MYO18B: variants seen among roughly 807,000 people sequenced by gnomAD.
MYO18B encodes myosin XVIIIB, also known as unconventional myosin-XVIIIb.
In MYO18B, 204 loss-of-function variants were observed where a neutral mutation model predicts 273.0. That is an observed-to-expected ratio of 0.75 (90% CI 0.67 to 0.84). The LOEUF is 0.84. Ranked by LOEUF, MYO18B falls within the 40% of genes least tolerant of loss-of-function variation. The pLI, the probability that MYO18B is intolerant of heterozygous loss-of-function variation, is 0.00. For synonymous variants in MYO18B, 1,330 were observed against 1,305.7 expected, an observed-to-expected ratio of 1.02 and a Z score of -0.40; for missense variants, 3,212 against 3,287.6, an observed-to-expected ratio of 0.98 and a Z score of 0.56.
the MYO18B span, among the ~76,000 whole-genome samples, chr22:26,057,524 CTTT>C: frequency 2.9e-5 from 4 of 137,094 alleles, no homozygotes; most frequent in Non-Finnish European, 6.4e-5. Flanking sequence ...TGCAAAGTCA[CTTT>C]TTTTTTTTTT....
At chr22:25,996,746 G>A (rs1448127157) in intron 40 of MYO18B, among the ~76,000 whole-genome samples, 2 of 152,178 alleles carry the variant, frequency 1.3e-5, no homozygotes, top group African/African-American at 4.8e-5. Context: ...AAATGAAGGA[G>A]CCAGCTGTGG....
intron 28 of MYO18B, chr22:25,897,284 A>G (rs1031935496): frequency 1.3e-5 from 2 of 152,216 alleles, no homozygotes; most frequent in Non-Finnish European, 2.9e-5. Flanking sequence ...CGTGAGCAAA[A>G]AGTATCATGT....
chr22:25,797,137 GA>G (rs1266978601), intron 11 of MYO18B, among the ~76,000 whole-genome samples: 7 of 152,194 alleles, frequency 4.6e-5, no homozygotes, highest in Non-Finnish European at 1.0e-4. Context: ...TGAGGTGAGA[GA>G]ATCGCTTGAG....
At chr22:25,898,565 C>A (rs191504286) in intron 29 of MYO18B, 104 bp downstream of exon 29, 1 of 1,247,996 alleles carries the variant, frequency 8.0e-7, no homozygotes, top group African/African-American at 1.5e-5. Flanking sequence ...ACTTCAACTC[C>A]CTTGTTTTGC....
chr22:25,816,457 T>G (rs1484597270), intron 12 of MYO18B, among the ~76,000 whole-genome samples: 1 of 152,164 alleles, frequency 6.6e-6, no homozygotes, highest in Non-Finnish European at 1.5e-5. Flanking sequence ...CGACTTGTCA[T>G]TTACATTAGG....
At chr22:25,881,950 T>C (rs2091348635) in intron 25 of MYO18B, among the ~76,000 whole-genome samples, 1 of 152,160 alleles carries the variant, frequency 6.6e-6, no homozygotes. Context: ...TTCATAGCCT[T>C]CACATGTGCT....
At chr22:25,824,501 T>C (rs533285367) in intron 13 of MYO18B, among the ~76,000 whole-genome samples, 17 of 152,256 alleles carry the variant, frequency 1.1e-4, no homozygotes. Flanking sequence ...ATCTGCTGGG[T>C]CCCAAGTCTG....
chr22:25,920,751 A>C (rs2092328428), intron 33 of MYO18B, among the ~76,000 whole-genome samples: 1 of 152,232 alleles, frequency 6.6e-6, no homozygotes, highest in African/African-American at 2.4e-5. Flanking sequence ...TCATAAACTC[A>C]TAAAACAACA....
At position 25,772,025 on chromosome 22, in the gene MYO18B, T is replaced by A. The variant is rs1409016377; in HGVS notation, c.1693-309T>A. Among the ~76,000 whole-genome samples, 4 of 152,182 alleles carry A rather than the reference T, an allele frequency of 2.6e-5. No homozygotes were observed. In the East Asian group the frequency reaches 7.7e-4, roughly 29 times the overall value. On this transcript the variant is annotated intron_variant, in intron 6 of 43. Coordinates refer to ENST00000335473, the MANE Select transcript of MYO18B (RefSeq NM_032608.7). ...ACCTGTCTTTTTGTGGTGTTTGAGATCCAGAAAGTGTTTTGAATTTTGTCA... is the reference window on the plus strand; with the variant it reads ...ACCTGTCTTTTTGTGGTGTTTGAGAACCAGAAAGTGTTTTGAATTTTGTCA...
chr22:26,045,724 A>C, the MYO18B span, among the ~76,000 whole-genome samples: 5 of 152,342 alleles, frequency 3.3e-5, no homozygotes, highest in South Asian at 1.0e-3. Context: ...GCAGCTGAAC[A>C]TAAAGTTCTT....
chr22:25,851,108 T>C (rs967221951), intron 20 of MYO18B, among the ~76,000 whole-genome samples: 2 of 152,162 alleles, frequency 1.3e-5, no homozygotes, highest in African/African-American at 2.4e-5. Flanking sequence ...TGGGCTAACG[T>C]TGGGAAACTC....
chr22:25,795,752 T>C (rs2087880036), intron 11 of MYO18B, among the ~76,000 whole-genome samples: 1 of 152,164 alleles, frequency 6.6e-6, no homozygotes, highest in Non-Finnish European at 1.5e-5. Flanking sequence ...TTAACTGAAA[T>C]GTTTCCCAAG....
intron 34 of MYO18B, among the ~76,000 whole-genome samples, chr22:25,928,402 C>CAA (rs71311529): frequency 0.012 from 563 of 47,880 alleles, 12 homozygotes; most frequent in African/African-American, 0.034. Flanking sequence ...GACCCGGCCT[C>CAA]AAAAAAAAAA....
chr22:25,902,812 C>G lies in MYO18B; in HGVS notation c.4947+76C>G. The G allele has an allele frequency of 6.1e-6, 9 of 1,469,954 alleles. No homozygotes were observed. In the South Asian group the frequency reaches 1.1e-4, roughly 17 times the overall value. The allele number at this position is 1,469,954 out of a possible 1,614,324, so 91.1% of individuals were successfully genotyped here. On this transcript the variant is annotated intron_variant, in intron 30 of 43. Coordinates refer to ENST00000335473, the MANE Select transcript of MYO18B (RefSeq NM_032608.7). ...GGGAAACTGCATCGTGCACCTGCTG[C>G]AAATGGTGACAGAGAGAAAACTTCA...
intron 39 of MYO18B, among the ~76,000 whole-genome samples, chr22:25,976,767 A>G (rs2093094050): frequency 6.6e-6 from 1 of 152,128 alleles, no homozygotes; most frequent in Non-Finnish European, 1.5e-5. Context: ...AACATATCTA[A>G]TAATACAAGA....
chr22:25,823,364 T>A, intron 12 of MYO18B, 141 bp from the exon 13 acceptor site: 1 of 856,820 alleles, frequency 1.2e-6, no homozygotes, highest in Non-Finnish European at 1.8e-6. Flanking sequence ...GGCCCAGGCC[T>A]GGGCAGTTGT....
At position 25,992,452 on chromosome 22, in the gene MYO18B, T is replaced by C. The variant is rs2093279864; in HGVS notation, c.6246T>C (p.Ala2082=). 1 of 1,613,892 alleles carries C rather than the reference T, an allele frequency of 6.2e-7. No homozygotes were observed. The highest frequency in any genetic ancestry group is 1.3e-5 in the African/African-American group (1 of 74,932). The change falls in exon 40 of 44, where the codon GCT becomes GCC. Residue 2082 remains alanine, a synonymous_variant. Transcript: ENST00000335473. The part of the protein sequence containing the change: ...TSIRRIADLQ[A]ALEEVASSDS... ...TTCGGCGGATTGCCGACCTGCAGGC[T>C]GCCTTGGAAGAAGTGGCATCCAGTG...
intron 12 of MYO18B, among the ~76,000 whole-genome samples, chr22:25,805,509 A>G (rs775162047): frequency 3.5e-4 from 53 of 152,188 alleles, no homozygotes; most frequent in Non-Finnish European, 6.6e-4. Flanking sequence ...ACCCAATTGG[A>G]CATAATCTCT....
At chr22:25,766,251 G>A (rs1408250593) in intron 3 of MYO18B, among the ~76,000 whole-genome samples, 1 of 152,096 alleles carries the variant, frequency 6.6e-6, no homozygotes, top group Admixed American at 6.6e-5. Flanking sequence ...TTCTTTGCTT[G>A]TAGAATGGGG....
Sources: allele counts gnomAD v4.1 joint callset (sites outside exome capture counted in the v4.1 genomes callset), GRCh38; gene constraint gnomAD v4.1.1; transcripts MANE v1.5; gene names NCBI Gene and HGNC (gene_info 2026-07-23, HGNC 2026-07-21).